NBPF9: variants seen among roughly 807,000 people sequenced by gnomAD.
The protein encoded by NBPF9 is NBPF family member NBPF9.
In NBPF9, 91 loss-of-function variants were observed where a neutral mutation model predicts 97.8. That is an observed-to-expected ratio of 0.93 (90% CI 0.79 to 1.11). NBPF9 has a LOEUF of 1.11. Among genes scored for constraint, NBPF9 ranks in the 50% least tolerant of loss-of-function variants. The pLI is 0.00. For missense variants in NBPF9, 992 were observed against 939.5 expected (o/e 1.06, Z -0.73); for synonymous variants, 334 against 359.5 (o/e 0.93, Z 0.80).
chr1:149,055,889 C>G (rs782624686), exon 30 of NBPF9: 55 of 1,611,198 alleles, frequency 3.4e-5, no homozygotes, highest in Non-Finnish European at 4.6e-5. Flanking sequence ...TCCATCAGCA[C>G]GCCGTTGAGC....
At chr1:149,087,826 TC>T (rs1363951574) in intron 5 of NBPF9, among the ~76,000 whole-genome samples, 2 of 139,804 alleles carry the variant, frequency 1.4e-5, no homozygotes, top group African/African-American at 2.7e-5. Context: ...TTGTTGACTT[TC>T]CTTTTTTTTT....
At chr1:149,077,636 G>A (rs1457380062) in intron 10 of NBPF9, among the ~76,000 whole-genome samples, 7 of 152,222 alleles carry the variant, frequency 4.6e-5, no homozygotes, top group Non-Finnish European at 8.8e-5. Flanking sequence ...GGTGTTCAGT[G>A]CACTGGACAG....
exon 1 of NBPF9, chr1:149,103,328 T>C (rs1261626784): frequency 2.0e-5 from 3 of 152,058 alleles, no homozygotes; most frequent in South Asian, 4.2e-4. Context: ...GACTTCGCTG[T>C]AAACCGTAAC....
intron 24 of NBPF9, 78 bp from the exon 25 acceptor site, chr1:149,059,886 C>G: frequency 2.0e-6 from 1 of 492,254 alleles, no homozygotes; most frequent in East Asian, 2.7e-5. Context: ...CTAATCCTCA[C>G]ACAGGGACCT....
exon 30 of NBPF9, chr1:149,055,501 T>C: frequency 6.6e-7 from 1 of 1,516,136 alleles, no homozygotes; most frequent in Non-Finnish European, 8.9e-7. Context: ...TGAGCACAGG[T>C]TGCCACTGGC....
intron 5 of NBPF9, among the ~76,000 whole-genome samples, chr1:149,084,166 G>T (rs2080772919): frequency 6.7e-6 from 1 of 148,638 alleles, no homozygotes; most frequent in African/African-American, 2.5e-5. Flanking sequence ...GTGAGGGCTG[G>T]GGGAGGGATA....
chr1:149,070,994 A>C (rs1553652810), exon 16 of NBPF9: 1 of 1,612,272 alleles, frequency 6.2e-7, no homozygotes, highest in African/African-American at 1.3e-5. Context: ...ATGAGAGTTG[A>C]GTCGACTTTG....
intron 9 of NBPF9, among the ~76,000 whole-genome samples, 155 bp downstream of exon 9, chr1:149,078,852 C>T (rs1553655486): frequency 1.3e-5 from 2 of 151,080 alleles, no homozygotes; most frequent in African/African-American, 2.4e-5. Flanking sequence ...GGTTTCCCAT[C>T]TCTGTTCTTA....
exon 11 of NBPF9, chr1:149,077,419 C>T (rs2079981596): frequency 4.4e-6 from 7 of 1,609,120 alleles, no homozygotes; most frequent in African/African-American, 1.3e-5. Flanking sequence ...TCTGCACCTC[C>T]CTGATGAGCC....
chr1:149,070,740 T>C (rs1325468635), intron 16 of NBPF9, among the ~76,000 whole-genome samples, 194 bp downstream of exon 16: 7 of 152,056 alleles, frequency 4.6e-5, no homozygotes, highest in African/African-American at 1.2e-4. Flanking sequence ...TGCCTGGGGT[T>C]GAGTAACTTG....
chr1:149,102,333 C>T (rs1553245174), intron 2 of NBPF9, among the ~76,000 whole-genome samples: 16 of 124,056 alleles, frequency 1.3e-4, no homozygotes, highest in Admixed American at 8.5e-5. Context: ...CATTTCACAA[C>T]AGAAAAAAAG....
At chr1:149,094,703 T>G (rs2081628267) in intron 4 of NBPF9, among the ~76,000 whole-genome samples, 1 of 147,934 alleles carries the variant, frequency 6.8e-6, no homozygotes, top group Admixed American at 6.6e-5. Flanking sequence ...CAGTCATCAC[T>G]TGTCCTCACA....
At chr1:149,073,082 A>C (rs2079551575) in intron 13 of NBPF9, 150 bp from the exon 14 acceptor site, 2 of 646,268 alleles carry the variant, frequency 3.1e-6, no homozygotes, top group African/African-American at 1.8e-5. Context: ...TGGCCAAGAG[A>C]AAGAATAGAA....
exon 16 of NBPF9, chr1:149,071,096 G>T: frequency 6.2e-7 from 1 of 1,609,086 alleles, no homozygotes; most frequent in Non-Finnish European, 8.5e-7. Flanking sequence ...CATTCCTCCA[G>T]TGAGTCCTCA....
In NBPF9 at chr1:149,075,669, T is replaced by C. The variant is rs587605093; in HGVS notation, c.974A>G (p.Gln325Arg). The C allele has an allele frequency of 5.3e-5, 86 of 1,609,936 alleles. No individual in the cohort carries two copies. In the African/African-American group the frequency reaches 9.2e-4, roughly 17 times the overall value. Residue 325 changes from glutamine to arginine, a missense_variant, in exon 12 of 30, where the codon CAG (glutamine) becomes CGG (arginine). Physicochemically the swap from Gln to Arg is conservative, Grantham distance 43. Transcript: ENST00000584027. ...ATAGATCTTACTGTATTTGTTCTGC[T>C]GGTTGGCCAGGAAGCCGGCCAGTTG...
chr1:149,079,916 T>C (rs1318216622), intron 8 of NBPF9, 137 bp downstream of exon 8: 22 of 706,186 alleles, frequency 3.1e-5, no homozygotes, highest in African/African-American at 2.1e-4. Context: ...TGATAAATAT[T>C]TGTGTGTCAT....
At chr1:149,056,173 A>C (rs604122) in intron 29 of NBPF9, among the ~76,000 whole-genome samples, 22,170 of 149,552 alleles carry the variant, frequency 0.15, 1,013 homozygotes, top group Non-Finnish European at 0.19. Context: ...GTAAGGGAGT[A>C]AAAGGACACT....
At chr1:149,072,806 C>T (rs2079523042) in exon 14 of NBPF9, 1 of 1,588,602 alleles carries the variant, frequency 6.3e-7, no homozygotes, top group African/African-American at 1.3e-5. Context: ...ACTTGTCCGG[C>T]TCATCCGGAG....
At chr1:149,097,117 G>T (rs1179386466) in intron 4 of NBPF9, among the ~76,000 whole-genome samples, 2 of 150,968 alleles carry the variant, frequency 1.3e-5, no homozygotes, top group Admixed American at 1.3e-4. Flanking sequence ...AGGGTGGAAG[G>T]GAAGGAGGGA....
Sources: allele counts gnomAD v4.1 joint callset (sites outside exome capture counted in the v4.1 genomes callset), GRCh38; gene constraint gnomAD v4.1.1; transcripts MANE v1.5; gene names NCBI Gene and HGNC (gene_info 2026-07-23, HGNC 2026-07-21).